Variants in PBX1 observed in about 807,000 individuals in gnomAD.
The protein encoded by PBX1 is PBX homeobox 1.
A neutral mutation model predicts 53.4 loss-of-function variants in PBX1; 6 were observed. The ratio of observed to expected loss-of-function variants is 0.11; its 90% CI spans 0.06 to 0.22. The LOEUF (loss-of-function observed/expected upper bound fraction) is 0.22, where lower values mean the gene tolerates loss of function less well. Ranked by LOEUF, PBX1 falls within the 10% of genes least tolerant of loss-of-function variation. The probability of loss-of-function intolerance (pLI) is 1.00; values close to 1 mark genes in which losing one functional copy is unlikely to be tolerated. For synonymous variants in PBX1, 204 were observed against 212.3 expected, an observed-to-expected ratio of 0.96 and a Z score of 0.34; for missense variants, 251 against 551.4, an observed-to-expected ratio of 0.46 and a Z score of 5.46.
At chr1:164,813,061 G>A (rs1485358124) in intron 6 of PBX1, 2 of 152,146 alleles carry the variant, frequency 1.3e-5, no homozygotes, top group Non-Finnish European at 2.9e-5. Flanking sequence ...ATCGTAATAT[G>A]ATTACAAACC....
intron 8 of PBX1, among the ~76,000 whole-genome samples, chr1:164,831,068 A>G (rs1426283962): frequency 2.0e-5 from 3 of 152,212 alleles, no homozygotes; most frequent in Non-Finnish European, 4.4e-5. Flanking sequence ...ATTTTCAAAC[A>G]TATGGAAAAC....
rs76998853 is a variant in PBX1 at position 164,606,623 on chromosome 1, C to T, written c.265+43312C>T. ...TCTATGATATCTGAGAATCCGATGTCGTATTTGCTTATTGTCTCTCTTTCC... is the reference window on the plus strand; with the variant it reads ...TCTATGATATCTGAGAATCCGATGTTGTATTTGCTTATTGTCTCTCTTTCC... On this transcript the variant is annotated intron_variant, in intron 2 of 8. Coordinates refer to ENST00000420696, the MANE Select transcript of PBX1 (RefSeq NM_002585.4). 0.03 allele frequency among the ~76,000 whole-genome samples: 4,585 copies of T among 152,234 alleles called. 561 individuals carry two copies. In the East Asian group the frequency reaches 0.4, roughly 13 times the overall value.
chr1:164,591,086 A>C (rs1035665684), intron 2 of PBX1, among the ~76,000 whole-genome samples: 1 of 147,998 alleles, frequency 6.8e-6, no homozygotes, highest in Admixed American at 6.9e-5. Flanking sequence ...ATCTTGGCTC[A>C]CTGCATCCTC....
chr1:164,859,108 A>G (rs1672038557), intron 2 of PBX1, among the ~76,000 whole-genome samples: 1 of 152,214 alleles, frequency 6.6e-6, no homozygotes, highest in African/African-American at 2.4e-5. Flanking sequence ...GCTGAATGGA[A>G]ATCAAGAAAA....
At chr1:164,735,578 T>C (rs1045182459) in intron 2 of PBX1, among the ~76,000 whole-genome samples, 3 of 152,190 alleles carry the variant, frequency 2.0e-5, no homozygotes, top group Non-Finnish European at 4.4e-5. Flanking sequence ...AGATGAAACA[T>C]ATTCATTTAG....
intron 2 of PBX1, among the ~76,000 whole-genome samples, chr1:164,634,405 T>C (rs771452176): frequency 2.6e-5 from 4 of 152,226 alleles, no homozygotes; most frequent in African/African-American, 7.2e-5. Context: ...ACAAAACTTA[T>C]CATTTTCCTG....
intron 8 of PBX1, among the ~76,000 whole-genome samples, chr1:164,831,124 C>A (rs1193043570): frequency 1.3e-5 from 2 of 152,186 alleles, no homozygotes; most frequent in Non-Finnish European, 2.9e-5. Context: ...CACCTAGATT[C>A]TGTCATTAAT....
chr1:164,666,075 C>T lies in PBX1; in HGVS notation c.265+102764C>T, dbSNP rs77335953. Among the ~76,000 whole-genome samples the T allele has an allele frequency of 2.7e-3, 409 of 152,258 alleles. 1 individual carries two copies. The highest frequency in any genetic ancestry group is 5.5e-3 in the African/African-American group (228 of 41,548). The stretch of plus-strand genomic sequence containing the variant: ...CAACTCCAGGAGGGAATGGTATGCA[C>T]GACAAGATGGAGTTGAAGAGATACG... On this transcript the variant is annotated intron_variant, in intron 2 of 8. Coordinates refer to ENST00000420696, the MANE Select transcript of PBX1 (RefSeq NM_002585.4).
chr1:164,631,894 CT>C (rs1381443584), intron 2 of PBX1, among the ~76,000 whole-genome samples: 1 of 152,220 alleles, frequency 6.6e-6, no homozygotes, highest in African/African-American at 2.4e-5. Context: ...GAGTCAGGAA[CT>C]GGGCAAGCAG....
At chr1:164,724,608 A>G (rs528692595) in intron 2 of PBX1, among the ~76,000 whole-genome samples, 2 of 146,968 alleles carry the variant, frequency 1.4e-5, no homozygotes, top group South Asian at 2.2e-4. Context: ...GACAGTGTTA[A>G]TGATATGTTT....
At chr1:164,614,299 G>A (rs1657127260) in intron 2 of PBX1, among the ~76,000 whole-genome samples, 1 of 152,144 alleles carries the variant, frequency 6.6e-6, no homozygotes, top group African/African-American at 2.4e-5. Flanking sequence ...CTATACCGAG[G>A]ACACAGACCT....
intron 2 of PBX1, among the ~76,000 whole-genome samples, chr1:164,870,151 C>T (rs1672314119): frequency 6.6e-6 from 1 of 152,130 alleles, no homozygotes; most frequent in Admixed American, 6.5e-5. Flanking sequence ...GATCAAGTAA[C>T]TTTAATTATT....
chr1:164,602,630 C>T (rs1165791234), intron 2 of PBX1, among the ~76,000 whole-genome samples: 2 of 151,752 alleles, frequency 1.3e-5, no homozygotes, highest in Admixed American at 6.6e-5. Flanking sequence ...CTGTCAACCT[C>T]CCCACAGCTC....
At chr1:164,727,316 A>G (rs1251227934) in intron 2 of PBX1, among the ~76,000 whole-genome samples, 1 of 152,184 alleles carries the variant, frequency 6.6e-6, no homozygotes, top group Non-Finnish European at 1.5e-5. Flanking sequence ...GAAGACAGGG[A>G]TTATGCCTAA....
At chr1:164,691,599 G>C (rs1446010267) in intron 2 of PBX1, among the ~76,000 whole-genome samples, 1 of 152,108 alleles carries the variant, frequency 6.6e-6, no homozygotes, top group East Asian at 1.9e-4. Context: ...TCTAGGCTAG[G>C]GGCTACCACA....
At chr1:164,744,494 C>T (rs1229821691) in intron 2 of PBX1, among the ~76,000 whole-genome samples, 3 of 152,098 alleles carry the variant, frequency 2.0e-5, no homozygotes, top group Non-Finnish European at 2.9e-5. Flanking sequence ...CCATAGGTAC[C>T]CAGTGCAATT....
Position 164,692,207 on chromosome 1 carries a change from G to A in PBX1, c.266-100287G>A, listed in dbSNP as rs564503897. 2.2e-4 allele frequency among the ~76,000 whole-genome samples: 34 copies of A among 152,300 alleles called. 1 individual carries two copies. The South Asian group carries it at 2.3e-3, about 10-fold the overall frequency. On this transcript the variant is annotated intron_variant, in intron 2 of 8. Coordinates refer to ENST00000420696, the MANE Select transcript of PBX1 (RefSeq NM_002585.4). ...ACAGCTGGCTATAGGCAGCTCATAC[G>A]CAGGCAGAAGTGGCCATAGGCAGCT...
intron 2 of PBX1, among the ~76,000 whole-genome samples, chr1:164,721,994 A>G (rs1412302368): frequency 2.6e-5 from 4 of 152,180 alleles, no homozygotes; most frequent in Non-Finnish European, 5.9e-5. Context: ...ATATAAAATG[A>G]TACACTATCC....
At chr1:164,650,489 GTGCTAGGGTTACAGGTGTGAACCACCA>G (rs1358580083) in intron 2 of PBX1, among the ~76,000 whole-genome samples, 1 of 152,128 alleles carries the variant, frequency 6.6e-6, no homozygotes, top group African/African-American at 2.4e-5. Flanking sequence ...GACTCCCGAA[GTGCTAGGGTTACAGGTGTGAACCACCA>G]TGCCTAACTA....
Sources: allele counts gnomAD v4.1 joint callset (sites outside exome capture counted in the v4.1 genomes callset), GRCh38; gene constraint gnomAD v4.1.1; transcripts MANE v1.5; gene names NCBI Gene and HGNC (gene_info 2026-07-23, HGNC 2026-07-21).